Variants in ZNF385D observed in about 807,000 individuals in gnomAD.
ZNF385D encodes the protein zinc finger protein 659.
A neutral mutation model predicts 35.8 loss-of-function variants in ZNF385D; 15 were observed. That is an observed-to-expected ratio of 0.42 (90% CI 0.28 to 0.64). The LOEUF (loss-of-function observed/expected upper bound fraction) is 0.64. Among genes scored for constraint, ZNF385D ranks in the 30% least tolerant of loss-of-function variants. ZNF385D has a pLI of 0.23. For missense variants in ZNF385D, 474 were observed against 494.6 expected (o/e 0.96, Z 0.39); for synonymous variants, 212 against 186.8 (o/e 1.13, Z -1.10).
intron 3 of ZNF385D, among the ~76,000 whole-genome samples, chr3:22,068,715 T>C (rs1559344810): frequency 1.3e-5 from 2 of 152,218 alleles, no homozygotes; most frequent in Non-Finnish European, 2.9e-5. Flanking sequence ...TTTTTCTACA[T>C]ACTCCTAGTT....
chr3:21,820,274 C>T (rs1575715020), intron 3 of ZNF385D, among the ~76,000 whole-genome samples: 1 of 151,392 alleles, frequency 6.6e-6, no homozygotes, highest in East Asian at 1.9e-4. Flanking sequence ...CATTCTGTGA[C>T]CACAAGGCAA....
chr3:21,949,402 GCT>G (rs1210380978), intron 3 of ZNF385D, among the ~76,000 whole-genome samples: 2 of 151,794 alleles, frequency 1.3e-5, no homozygotes, highest in African/African-American at 4.8e-5. Flanking sequence ...GGTTGGGGTG[GCT>G]ATCTTTATTG....
At chr3:21,977,193 G>C (rs542273554) in intron 3 of ZNF385D, among the ~76,000 whole-genome samples, 2 of 152,238 alleles carry the variant, frequency 1.3e-5, no homozygotes, top group Admixed American at 1.3e-4. Context: ...GGGGCTGCTA[G>C]GGGTGTTGGT....
intron 3 of ZNF385D, among the ~76,000 whole-genome samples, chr3:22,144,402 C>T (rs1443902141): frequency 6.6e-6 from 1 of 151,502 alleles, no homozygotes; most frequent in African/African-American, 2.4e-5. Context: ...GGTGAAACCC[C>T]CTCTCTATTA....
intron 3 of ZNF385D, among the ~76,000 whole-genome samples, chr3:21,853,166 T>C (rs1197752466): frequency 2.6e-5 from 4 of 151,762 alleles, no homozygotes; most frequent in East Asian, 1.9e-4. Context: ...ACAGCAAATA[T>C]ACATTAAAAT....
chr3:22,219,024 T>C (rs1323870758), intron 2 of ZNF385D, among the ~76,000 whole-genome samples: 1 of 152,174 alleles, frequency 6.6e-6, no homozygotes, highest in Non-Finnish European at 1.5e-5. Flanking sequence ...TATGGGCATT[T>C]CAATTGACCA....
chr3:22,121,488 G>T (rs1441540434), intron 3 of ZNF385D, among the ~76,000 whole-genome samples: 3 of 152,130 alleles, frequency 2.0e-5, no homozygotes, highest in Non-Finnish European at 4.4e-5. Flanking sequence ...ACCTTAAAAT[G>T]GTAACCTGTT....
intron 1 of ZNF385D, among the ~76,000 whole-genome samples, chr3:21,681,151 A>G (rs537463780): frequency 8.6e-5 from 13 of 151,880 alleles, no homozygotes; most frequent in Admixed American, 4.6e-4. Context: ...CTCCTATCAC[A>G]TTTCAGAGTA....
At chr3:22,186,725 A>G (rs558827846) in intron 2 of ZNF385D, among the ~76,000 whole-genome samples, 4 of 152,124 alleles carry the variant, frequency 2.6e-5, no homozygotes, top group Non-Finnish European at 5.9e-5. Flanking sequence ...CTCTTACTAG[A>G]TAGGTTAGAC....
chr3:22,095,795 T>C (rs1701590636), intron 3 of ZNF385D, among the ~76,000 whole-genome samples: 1 of 151,220 alleles, frequency 6.6e-6, no homozygotes. Context: ...TAAAATTTAA[T>C]TCACTATAAA....
intron 1 of ZNF385D, among the ~76,000 whole-genome samples, chr3:21,708,087 T>A (rs1357453262): frequency 6.6e-6 from 1 of 152,180 alleles, no homozygotes; most frequent in African/African-American, 2.4e-5. Context: ...TTCATTTCCT[T>A]TTTGCTCCAA....
chr3:21,471,662 T>C (rs1703908049), intron 4 of ZNF385D, among the ~76,000 whole-genome samples: 1 of 152,140 alleles, frequency 6.6e-6, no homozygotes, highest in Non-Finnish European at 1.5e-5. Flanking sequence ...AACATCAAAA[T>C]ATTTTTTGTT....
intron 3 of ZNF385D, among the ~76,000 whole-genome samples, chr3:21,872,678 TG>T (rs1019692405): frequency 4.3e-4 from 65 of 152,194 alleles, no homozygotes; most frequent in African/African-American, 1.5e-3. Context: ...TGTGGCAAAA[TG>T]GCCTGAAAGA....
intron 3 of ZNF385D, among the ~76,000 whole-genome samples, chr3:21,766,069 A>C (rs1034991224): frequency 2.0e-5 from 3 of 152,120 alleles, no homozygotes; most frequent in Non-Finnish European, 4.4e-5. Context: ...GGCCGAAAGG[A>C]AAAAAGGAAA....
At chr3:21,453,775 G>A (rs996158259) in intron 4 of ZNF385D, among the ~76,000 whole-genome samples, 8 of 151,950 alleles carry the variant, frequency 5.3e-5, no homozygotes, top group Admixed American at 3.9e-4. Flanking sequence ...ATATAAAATG[G>A]TGCTGTCACT....
Position 21,765,643 on chromosome 3 carries a change from CAAA to C in ZNF385D, c.326-100618_326-100616del, listed in dbSNP as rs5847134. Among the ~76,000 whole-genome samples, 15 of 148,664 alleles carry C rather than the reference CAAA, an allele frequency of 1.0e-4. No individual in the cohort carries two copies. In the East Asian group the frequency reaches 2.0e-3, roughly 20 times the overall value. ...GTGCAAGATGGATAAGCAACAACAA[CAAA>C]AAAAAAATAGAAAGAGGAAGAAATA... is the stretch of plus-strand genomic sequence containing the variant. On this transcript the variant is annotated intron_variant, in intron 3 of 5. Coordinates refer to the ZNF385D transcript ENST00000494108.
chr3:21,760,272 G>A (rs759090429), intron 3 of ZNF385D, among the ~76,000 whole-genome samples: 4 of 152,246 alleles, frequency 2.6e-5, no homozygotes, highest in East Asian at 1.9e-4. Context: ...TAACTGCAGC[G>A]TTACCCAAAG....
intron 3 of ZNF385D, among the ~76,000 whole-genome samples, chr3:21,890,664 G>C (rs1698805419): frequency 1.3e-5 from 2 of 152,076 alleles, no homozygotes; most frequent in African/African-American, 4.8e-5. Flanking sequence ...AAAAAGGTAA[G>C]TTACGGTGAC....
intron 3 of ZNF385D, among the ~76,000 whole-genome samples, chr3:22,093,492 G>T (rs924540999): frequency 6.6e-6 from 1 of 151,896 alleles, no homozygotes; most frequent in South Asian, 2.1e-4. Flanking sequence ...TTTCACAAAG[G>T]ATAATATTAA....
Sources: allele counts gnomAD v4.1 joint callset (sites outside exome capture counted in the v4.1 genomes callset), GRCh38; gene constraint gnomAD v4.1.1; transcripts MANE v1.5; gene names NCBI Gene and HGNC (gene_info 2026-07-23, HGNC 2026-07-21).